Variants in SCARA3 observed in about 807,000 individuals in gnomAD.
SCARA3 encodes cellular stress response gene protein.
In SCARA3, 39 loss-of-function variants were observed where a neutral mutation model predicts 47.0. The ratio of observed to expected loss-of-function variants is 0.83; its 90% CI spans 0.64 to 1.08. The LOEUF (loss-of-function observed/expected upper bound fraction) is 1.08. SCARA3 is among the 50% of genes least tolerant of loss of function. The pLI is 0.00. For missense variants in SCARA3, 724 were observed against 792.3 expected (o/e 0.91, Z 1.04); for synonymous variants, 356 against 334.1 (o/e 1.07, Z -0.71).
At chr8:27,721,559 C>A in the SCARA3 span, among the ~76,000 whole-genome samples, 1 of 152,164 alleles carries the variant, frequency 6.6e-6, no homozygotes, top group South Asian at 2.1e-4. Context: ...TTGGTTCTGG[C>A]CTTTAGAGTG....
chr8:27,712,389 C>T, the SCARA3 span, among the ~76,000 whole-genome samples: 2 of 151,454 alleles, frequency 1.3e-5, no homozygotes, highest in African/African-American at 2.4e-5. Flanking sequence ...CGGTGAAACC[C>T]CGTCTCTACT....
chr8:27,690,489 T>C, the SCARA3 span, among the ~76,000 whole-genome samples: 1 of 152,218 alleles, frequency 6.6e-6, no homozygotes, highest in East Asian at 1.9e-4. Flanking sequence ...AGATTGTAAA[T>C]TAACCTAAAT....
chr8:27,729,065 A>G, the SCARA3 span, among the ~76,000 whole-genome samples: 1 of 151,620 alleles, frequency 6.6e-6, no homozygotes, highest in African/African-American at 2.4e-5. Context: ...ACCCTGTCTC[A>G]AATATATATA....
chr8:27,681,251 C>T (rs1457491050), downstream of SCARA3, among the ~76,000 whole-genome samples: 1 of 152,064 alleles, frequency 6.6e-6, no homozygotes, highest in South Asian at 2.1e-4. Context: ...CATAAAAACT[C>T]GCTTTTAATA....
At position 27,658,630 on chromosome 8, in the gene SCARA3, T is replaced by C; in HGVS notation, c.460T>C (p.Leu154=). The change falls in exon 5 of 6, where the codon TTA becomes CTA. Residue 154 remains leucine, a synonymous_variant. Transcript: ENST00000301904. Reference sequence around the variant, plus strand: ...CCAGGAGGTGCAGCTGGACCAGACCTTACAGGCCCAGGAGGTGCTCTCCAC... The same window carrying C: ...CCAGGAGGTGCAGCTGGACCAGACCCTACAGGCCCAGGAGGTGCTCTCCAC... ...LAQEVQLDQT[L]QAQEVLSTTS... is the part of the protein sequence containing the mutation. 1 of 1,614,022 alleles carries C rather than the reference T, an allele frequency of 6.2e-7. No individual in the cohort carries two copies. Among genetic ancestry groups the C allele is most frequent in the Non-Finnish European group, 8.5e-7 (1 of 1,179,982 alleles).
chr8:27,687,777 G>T, the SCARA3 span, among the ~76,000 whole-genome samples: 1 of 152,146 alleles, frequency 6.6e-6, no homozygotes, highest in Non-Finnish European at 1.5e-5. Context: ...AGCACTTTGG[G>T]AGGCCAAGGC....
At chr8:27,710,032 C>A in the SCARA3 span, among the ~76,000 whole-genome samples, 1 of 152,044 alleles carries the variant, frequency 6.6e-6, no homozygotes, top group Non-Finnish European at 1.5e-5. Context: ...AGATCAAGAC[C>A]ATCCTGGCCA....
the SCARA3 span, among the ~76,000 whole-genome samples, chr8:27,684,901 T>TA: frequency 0.23 from 34,313 of 151,254 alleles, 4,201 homozygotes; most frequent in East Asian, 0.39. Flanking sequence ...GACACTTCTC[T>TA]AAAAAAAATT....
chr8:27,715,638 C>G, the SCARA3 span, among the ~76,000 whole-genome samples: 7 of 151,528 alleles, frequency 4.6e-5, no homozygotes, highest in Non-Finnish European at 8.8e-5. This position sits in a 1 kb window ranked among gnomAD's most constrained non-coding sequence, Gnocchi z 4.2. Context: ...TAGATAGACA[C>G]ACACAGACAG....
the SCARA3 span, among the ~76,000 whole-genome samples, chr8:27,727,525 A>G: frequency 6.6e-6 from 1 of 152,280 alleles, no homozygotes; most frequent in African/African-American, 2.4e-5. Context: ...AGTGGCTCAT[A>G]CTAAATCCAG....
intron 1 of SCARA3, among the ~76,000 whole-genome samples, chr8:27,649,362 C>T (rs1434659371): frequency 5.9e-5 from 9 of 152,318 alleles, no homozygotes; most frequent in African/African-American, 1.4e-4. Flanking sequence ...AATAGAAGGA[C>T]GCTAAGCCAG....
chr8:27,649,835 T>C (rs1801594212), intron 2 of SCARA3, 35 bp downstream of exon 2: 1 of 1,535,846 alleles, frequency 6.5e-7, no homozygotes, highest in African/African-American at 1.4e-5. Context: ...ATCTCCGCTC[T>C]GGGCTGAGAG....
At chr8:27,688,038 G>A in the SCARA3 span, among the ~76,000 whole-genome samples, 1 of 152,026 alleles carries the variant, frequency 6.6e-6, no homozygotes, top group African/African-American at 2.4e-5. Context: ...TGAAAAGCAA[G>A]GAAGAACTAG....
intron 1 of SCARA3, among the ~76,000 whole-genome samples, chr8:27,647,429 A>G (rs1801529062): frequency 6.6e-6 from 1 of 151,464 alleles, no homozygotes; most frequent in Admixed American, 6.6e-5. Flanking sequence ...GGACCCTTGA[A>G]AGCTCCCCAG....
the SCARA3 span, among the ~76,000 whole-genome samples, chr8:27,715,935 T>C: frequency 0.019 from 2,902 of 152,226 alleles, 97 homozygotes; most frequent in African/African-American, 0.066. The surrounding 1 kb of genome is among the most constrained non-coding windows in gnomAD (Gnocchi z 4.2). Context: ...TATGAGTGTA[T>C]CTCTACTGAG....
At chr8:27,733,953 A>G in the SCARA3 span, 30 of 152,216 alleles carry the variant, frequency 2.0e-4, no homozygotes, top group African/African-American at 6.8e-4. Context: ...GGCTCACACC[A>G]TCTTTCCTGA....
intron 1 of SCARA3, among the ~76,000 whole-genome samples, chr8:27,642,872 C>T (rs1231820780): frequency 6.6e-6 from 1 of 152,086 alleles, no homozygotes; most frequent in Admixed American, 6.5e-5. Flanking sequence ...GATTCCCACC[C>T]CTCCCATCCC....
intron 3 of SCARA3, 122 bp downstream of exon 3, chr8:27,651,749 C>A (rs532069590): frequency 1.5e-6 from 2 of 1,320,370 alleles, no homozygotes; most frequent in South Asian, 1.4e-5. Flanking sequence ...GAGCCAGCAT[C>A]TTCCTGGCTA....
intron 1 of SCARA3, among the ~76,000 whole-genome samples, chr8:27,648,893 G>A (rs1358693456): frequency 7.1e-6 from 1 of 141,796 alleles, no homozygotes; most frequent in Non-Finnish European, 1.6e-5. Flanking sequence ...AGGAAGGAAG[G>A]AATGAAGGAA....
Sources: gnomAD v4.1 joint callset for allele counts (sites outside exome capture counted in the v4.1 genomes callset) on GRCh38, gnomAD v4.1.1 for gene constraint, Gnocchi (gnomAD v3.1) non-coding constraint, MANE v1.5 for transcripts, NCBI Gene and HGNC (gene_info 2026-07-23, HGNC 2026-07-21) for gene names.